Variants in ENTREP2 observed in about 807,000 individuals in gnomAD.
ENTREP2 encodes protein ENTREP2.
the ENTREP2 span, among the ~76,000 whole-genome samples, chr15:29,292,170 T>C: frequency 1.6e-4 from 25 of 152,240 alleles, no homozygotes; most frequent in African/African-American, 6.0e-4. Flanking sequence ...AGCACTTTCA[T>C]GTTCTTAACA....
chr15:29,119,486 T>G, the ENTREP2 span, among the ~76,000 whole-genome samples: 1 of 27,528 alleles, frequency 3.6e-5, no homozygotes, highest in African/African-American at 6.9e-5. Flanking sequence ...CATTGGGAGA[T>G]ATACCTAATG....
At chr15:29,267,130 GAAAT>G in the ENTREP2 span, 2 of 152,188 alleles carry the variant, frequency 1.3e-5, no homozygotes, top group Admixed American at 6.5e-5. Context: ...TCAACAGAAT[GAAAT>G]AAAACCCAGT....
chr15:29,547,876 T>G, the ENTREP2 span, among the ~76,000 whole-genome samples: 1 of 152,186 alleles, frequency 6.6e-6, no homozygotes, highest in African/African-American at 2.4e-5. Flanking sequence ...AAATGTGGTA[T>G]AGACATACAA....
the ENTREP2 span, among the ~76,000 whole-genome samples, chr15:29,659,212 T>C: frequency 6.6e-6 from 1 of 152,222 alleles, no homozygotes; most frequent in Non-Finnish European, 1.5e-5. Context: ...GGCTCATGCC[T>C]GTAATCCCAG....
chr15:29,635,631 G>A, the ENTREP2 span, among the ~76,000 whole-genome samples: 2 of 152,160 alleles, frequency 1.3e-5, no homozygotes, highest in African/African-American at 2.4e-5. Flanking sequence ...GGGGGTCCAC[G>A]GAAACAGACC....
At chr15:29,321,402 C>A in the ENTREP2 span, among the ~76,000 whole-genome samples, 2 of 152,070 alleles carry the variant, frequency 1.3e-5, no homozygotes, top group Non-Finnish European at 2.9e-5. Flanking sequence ...GTAATCCCAG[C>A]ACTTTGGGAG....
At chr15:29,489,618 T>A in the ENTREP2 span, among the ~76,000 whole-genome samples, 1 of 152,180 alleles carries the variant, frequency 6.6e-6, no homozygotes, top group Non-Finnish European at 1.5e-5. Context: ...AACCAATAAA[T>A]AAGAACATAT....
the ENTREP2 span, among the ~76,000 whole-genome samples, chr15:29,416,344 G>A: frequency 4.5e-4 from 69 of 152,122 alleles, no homozygotes; most frequent in African/African-American, 6.0e-4. Flanking sequence ...ATAATGCCGC[G>A]TATCTACAAC....
At chr15:29,478,004 TA>T in the ENTREP2 span, among the ~76,000 whole-genome samples, 2 of 75,214 alleles carry the variant, frequency 2.7e-5, no homozygotes, top group Non-Finnish European at 4.9e-5. Flanking sequence ...TATATATATA[TA>T]TATATATATA....
the ENTREP2 span, among the ~76,000 whole-genome samples, chr15:29,257,379 C>A: frequency 6.6e-6 from 1 of 152,078 alleles, no homozygotes; most frequent in Non-Finnish European, 1.5e-5. Context: ...GGCCAAATCA[C>A]AATTTATTAA....
the ENTREP2 span, among the ~76,000 whole-genome samples, chr15:29,606,034 A>G: frequency 4.6e-5 from 7 of 151,882 alleles, no homozygotes; most frequent in African/African-American, 7.3e-5. Context: ...TTTCATTTTT[A>G]TTTTTATAGC....
the ENTREP2 span, among the ~76,000 whole-genome samples, chr15:29,627,024 T>G: frequency 6.6e-6 from 1 of 152,184 alleles, no homozygotes; most frequent in African/African-American, 2.4e-5. Flanking sequence ...TTCCTTCTTT[T>G]CCTGGTTTCC....
the ENTREP2 span, chr15:29,124,602 G>A: frequency 8.4e-7 from 1 of 1,191,112 alleles, no homozygotes; most frequent in Non-Finnish European, 1.2e-6. Flanking sequence ...GCTGCATTTG[G>A]AAACAATGTA....
chr15:29,298,774 T>C, the ENTREP2 span, among the ~76,000 whole-genome samples: 2 of 152,204 alleles, frequency 1.3e-5, no homozygotes, highest in Admixed American at 1.3e-4. Context: ...AGTGAATTAA[T>C]TCTAATGACC....
the ENTREP2 span, among the ~76,000 whole-genome samples, chr15:29,255,792 GAGATTGAGACC>G: frequency 1.3e-5 from 2 of 152,026 alleles, no homozygotes; most frequent in Non-Finnish European, 2.9e-5. Context: ...AAAAGGTCAG[GAGATTGAGACC>G]ATCCTGGCTA....
the ENTREP2 span, among the ~76,000 whole-genome samples, chr15:29,584,091 G>A: frequency 6.6e-6 from 1 of 152,142 alleles, no homozygotes; most frequent in Non-Finnish European, 1.5e-5. Context: ...AAAATGAAAA[G>A]ACAATGCACA....
the ENTREP2 span, among the ~76,000 whole-genome samples, chr15:29,158,826 A>T: frequency 3.4e-4 from 51 of 152,170 alleles, no homozygotes; most frequent in Non-Finnish European, 6.5e-4. Context: ...TAAGGAAGTT[A>T]TGTATCTAAT....
chr15:29,159,215 A>AGT, the ENTREP2 span, among the ~76,000 whole-genome samples: 1 of 151,578 alleles, frequency 6.6e-6, no homozygotes, highest in Non-Finnish European at 1.5e-5. Context: ...CTGGCCTAGG[A>AGT]GTGAAACCAC....
the ENTREP2 span, among the ~76,000 whole-genome samples, chr15:29,197,783 AGTAAAATCT>A: frequency 6.6e-6 from 1 of 151,794 alleles, no homozygotes; most frequent in East Asian, 1.9e-4. Flanking sequence ...AAAAAAAATC[AGTAAAATCT>A]ATGCAATTTT....
Sources: allele counts gnomAD v4.1 joint callset (sites outside exome capture counted in the v4.1 genomes callset), GRCh38; gene constraint gnomAD v4.1.1; transcripts MANE v1.5; gene names NCBI Gene and HGNC (gene_info 2026-07-23, HGNC 2026-07-21).